Variants in NEMP1 observed in about 807,000 individuals in gnomAD.
NEMP1 encodes transmembrane protein 194.
Under a neutral mutation model 53.7 loss-of-function variants are expected in NEMP1, and 29 were observed. That is an observed-to-expected ratio of 0.54 (90% CI 0.40 to 0.74). NEMP1 has a LOEUF of 0.74. NEMP1 is among the 30% of genes least tolerant of loss of function. The pLI is 0.00. For synonymous variants in NEMP1, 193 were observed against 192.9 expected (o/e 1.00, Z 0.00); for missense variants, 477 against 528.6 (o/e 0.90, Z 0.96).
chr12:57,067,135 C>T lies in NEMP1; in HGVS notation c.545+2099G>A, dbSNP rs1202769164. Among the ~76,000 whole-genome samples, 4 of 151,976 alleles carry T rather than the reference C, an allele frequency of 2.6e-5. No homozygotes were observed. In the East Asian group the frequency reaches 5.8e-4, roughly 22 times the overall value. On this transcript the variant is annotated intron_variant, in intron 4 of 8. Transcript: ENST00000300128. ...GGTCAGGAGATCGAGACCATCCTGG[C>T]TAACACGGTGAAACCCGTCTCTACT...
intron 1 of NEMP1, among the ~76,000 whole-genome samples, chr12:57,077,844 A>T (rs2032704879): frequency 6.6e-6 from 1 of 152,112 alleles, no homozygotes; most frequent in Non-Finnish European, 1.5e-5. Flanking sequence ...GCACTTTGGG[A>T]GGGCCAAGGC....
intron 1 of NEMP1, among the ~76,000 whole-genome samples, chr12:57,078,306 A>C (rs888517943): frequency 7.2e-5 from 11 of 151,852 alleles, no homozygotes; most frequent in Non-Finnish European, 1.5e-4. Context: ...TTAACCAAGA[A>C]ACTCAAGGCT....
intron 4 of NEMP1, among the ~76,000 whole-genome samples, chr12:57,066,441 C>T (rs1224029329): frequency 6.6e-6 from 1 of 152,180 alleles, no homozygotes; most frequent in Admixed American, 6.5e-5. Flanking sequence ...GCTAACTGCT[C>T]AGGACAAGAG....
chr12:57,061,207 CAT>C (rs2031783967), intron 7 of NEMP1, among the ~76,000 whole-genome samples: 1 of 152,002 alleles, frequency 6.6e-6, no homozygotes, highest in African/African-American at 2.4e-5. Context: ...AACAGGAACA[CAT>C]GACATTTTAC....
intron 1 of NEMP1, 145 bp from the exon 2 acceptor site, chr12:57,073,057 G>A (rs926135775): frequency 1.6e-6 from 1 of 612,014 alleles, no homozygotes; most frequent in Non-Finnish European, 2.6e-6. Flanking sequence ...AAACTGAGAA[G>A]AAGGAAGAAC....
chr12:57,062,672 G>C (rs2031871961), intron 7 of NEMP1, among the ~76,000 whole-genome samples: 1 of 151,446 alleles, frequency 6.6e-6, no homozygotes, highest in Non-Finnish European at 1.5e-5. Context: ...TCAACATGGG[G>C]AACCCTACTA....
intron 1 of NEMP1, among the ~76,000 whole-genome samples, chr12:57,087,019 T>A (rs984043523): frequency 6.6e-6 from 1 of 152,060 alleles, no homozygotes; most frequent in Non-Finnish European, 1.5e-5. Flanking sequence ...CACACACGGG[T>A]TCGCACCCGG....
At chr12:57,067,286 T>G (rs1196882526) in intron 4 of NEMP1, among the ~76,000 whole-genome samples, 3 of 149,452 alleles carry the variant, frequency 2.0e-5, no homozygotes, top group African/African-American at 7.4e-5. Context: ...ATCGCGTCAC[T>G]ACACTCCAGC....
intron 1 of NEMP1, among the ~76,000 whole-genome samples, chr12:57,086,559 A>G (rs1775012466): frequency 6.6e-6 from 1 of 151,402 alleles, no homozygotes; most frequent in African/African-American, 2.4e-5. Flanking sequence ...CTGTCTCTTT[A>G]TGTTTTTCTA....
chr12:57,075,067 T>C (rs1286525824), intron 1 of NEMP1, among the ~76,000 whole-genome samples: 8 of 140,370 alleles, frequency 5.7e-5, no homozygotes, highest in East Asian at 4.4e-4. Context: ...CCAGCCTGGG[T>C]GACAGAGCAA....
At chr12:57,070,539 G>C (rs375078911) in intron 3 of NEMP1, 135 bp downstream of exon 3, 2 of 688,006 alleles carry the variant, frequency 2.9e-6, no homozygotes, top group African/African-American at 3.6e-5. Context: ...GTTTAGAGCA[G>C]TGGTATACTC....
chr12:57,059,023 ACTGACC>A lies in NEMP1; in HGVS notation c.*850_*855del, dbSNP rs1391487258. ...ACATACATAGTTCACAGGTAAGGGA[ACTGACC>A]CTTCCTGAAAGGGCAAAGGCAGGGT... On this transcript the variant is annotated 3_prime_UTR_variant, in exon 9 of 9. Transcript: ENST00000300128. 5 of 152,238 alleles carry A rather than the reference ACTGACC, an allele frequency of 3.3e-5. No homozygotes were observed. Among genetic ancestry groups the A allele is most frequent in the African/African-American group, 1.2e-4 (5 of 41,464 alleles). 9.4% of individuals were successfully genotyped at this position (152,238 alleles called of 1,614,324 possible). A position where few individuals can be genotyped will look rare whatever the true frequency, so the allele number is the denominator to read the frequency against.
At chr12:57,066,722 C>T (rs560186246) in intron 4 of NEMP1, among the ~76,000 whole-genome samples, 1 of 152,300 alleles carries the variant, frequency 6.6e-6, no homozygotes, top group African/African-American at 2.4e-5. Flanking sequence ...CAAATCTCAT[C>T]TTGAATTGTA....
At chr12:57,071,203 G>A (rs1475689987) in intron 2 of NEMP1, among the ~76,000 whole-genome samples, 1 of 152,166 alleles carries the variant, frequency 6.6e-6, no homozygotes, top group Non-Finnish European at 1.5e-5. Flanking sequence ...CTATTTATTA[G>A]AGATCACACA....
chr12:57,078,680 G>A lies in NEMP1; in HGVS notation c.66C>T (p.Val22=), dbSNP rs147808095. The stretch of plus-strand genomic sequence containing the variant: ...GTAGCCGCACTGTCCCACCGCCCCC[G>A]ACTCCCGAGCCCCAGGGCCCGGGAC... The part of the protein sequence containing the change: ...AVGPGPWGSG[V]GGGGTVRLLL... Residue 22 remains valine, a synonymous_variant, in exon 1 of 9, where the codon GTC becomes GTT. Coordinates refer to ENST00000300128, the MANE Select transcript of NEMP1 (RefSeq NM_001130963.2). 7 of 1,613,408 alleles carry A rather than the reference G, an allele frequency of 4.3e-6. No homozygotes were observed. Among genetic ancestry groups the A allele is most frequent in the East Asian group, 2.2e-5 (1 of 44,830 alleles).
At chr12:57,088,430 C>T (rs996501270), upstream of NEMP1, among the ~76,000 whole-genome samples, 1 of 152,174 alleles carries the variant, frequency 6.6e-6, no homozygotes, top group Non-Finnish European at 1.5e-5. Context: ...TCAGGCCCGC[C>T]TTAAGTGCAC....
intron 4 of NEMP1, among the ~76,000 whole-genome samples, chr12:57,067,624 T>C (rs955102312): frequency 1.3e-5 from 2 of 152,196 alleles, no homozygotes; most frequent in African/African-American, 2.4e-5. Context: ...TAAAGTGATG[T>C]GTGACTATAT....
chr12:57,070,567 C>A, intron 3 of NEMP1, 107 bp downstream of exon 3: 1 of 907,808 alleles, frequency 1.1e-6, no homozygotes, highest in Middle Eastern at 2.7e-4. Context: ...TAATCAGAAC[C>A]CAACTGGAGC....
In NEMP1 at chr12:57,078,548, C is replaced by A. The variant is rs887648381; in HGVS notation, c.127+71G>T. The A allele has an allele frequency of 4.6e-6, 7 of 1,534,394 alleles. No individual in the cohort carries two copies. The African/African-American group carries it at 9.6e-5, about 21-fold the overall frequency. Reference sequence around the variant, plus strand: ...TCTGCAGAGTAACGGCCCGCGCCCTCGGGACAATCCCTTTTCCAAAAATAA... The same window carrying A: ...TCTGCAGAGTAACGGCCCGCGCCCTAGGGACAATCCCTTTTCCAAAAATAA... On this transcript the variant is annotated intron_variant, in intron 1 of 8. Coordinates refer to ENST00000300128, the MANE Select transcript of NEMP1 (RefSeq NM_001130963.2).
Sources: allele counts gnomAD v4.1 joint callset (sites outside exome capture counted in the v4.1 genomes callset), GRCh38; gene constraint gnomAD v4.1.1; transcripts MANE v1.5; gene names NCBI Gene and HGNC (gene_info 2026-07-23, HGNC 2026-07-21).